COL12A1: variants seen among roughly 807,000 people sequenced by gnomAD.
The protein encoded by COL12A1 is collagen alpha-1(XII) chain.
COL12A1 carries 114 observed loss-of-function variants against 349.7 expected under a neutral mutation model. The ratio of observed to expected loss-of-function variants is 0.33; its 90% confidence interval spans 0.28 to 0.38. COL12A1 has a LOEUF of 0.38. Among genes scored for constraint, COL12A1 ranks in the 10% least tolerant of loss-of-function variants. The probability of loss-of-function intolerance (pLI) is 1.00; values close to 1 mark genes in which losing one functional copy is unlikely to be tolerated. For synonymous variants in COL12A1, 1,369 were observed against 1,329.0 expected (o/e 1.03, Z -0.66); for missense variants, 3,284 against 3,756.9 (o/e 0.87, Z 3.29).
chr6:75,109,685 A>T (rs143022220), intron 51 of COL12A1, among the ~76,000 whole-genome samples: 1 of 152,254 alleles, frequency 6.6e-6, no homozygotes, highest in East Asian at 1.9e-4. Flanking sequence ...TAGGGATTCA[A>T]CTCTGGAAAT....
chr6:75,181,897 C>G (rs1204422886), intron 10 of COL12A1, among the ~76,000 whole-genome samples: 1 of 150,776 alleles, frequency 6.6e-6, no homozygotes, highest in Non-Finnish European at 1.5e-5. Flanking sequence ...CAAGACCAGA[C>G]TAGCCAACAT....
chr6:75,174,790 A>G (rs2149451318), intron 13 of COL12A1, among the ~76,000 whole-genome samples: 1 of 152,208 alleles, frequency 6.6e-6, no homozygotes, highest in South Asian at 2.1e-4. Flanking sequence ...CTATAAACAC[A>G]TCTCTTTGGT....
chr6:75,114,661 G>A (rs952188211), intron 49 of COL12A1, among the ~76,000 whole-genome samples: 2 of 152,002 alleles, frequency 1.3e-5, no homozygotes, highest in African/African-American at 4.8e-5. Flanking sequence ...CACCACTAAT[G>A]CCATCTTGCT....
At chr6:75,201,971 T>C (rs1169988296) in intron 2 of COL12A1, among the ~76,000 whole-genome samples, 2 of 152,178 alleles carry the variant, frequency 1.3e-5, no homozygotes, top group South Asian at 2.1e-4. Flanking sequence ...GGCAGGACAC[T>C]GGAGGTGGTG....
At chr6:75,101,854 G>T in intron 57 of COL12A1, 145 bp downstream of exon 57, 3 of 1,036,720 alleles carry the variant, frequency 2.9e-6, no homozygotes, top group South Asian at 1.5e-5. Flanking sequence ...CAACTTGAAG[G>T]TTAAGACCAG....
rs1167947527 is a variant in COL12A1 at position 75,124,010 on chromosome 6, A to G, written c.6809T>C (p.Val2270Ala). ...ATTTGGTGTCTGCACAAAAACAGTGACACCATAATCAGTGTCTGGTGAAAG... is the reference window on the plus strand; with the variant it reads ...ATTTGGTGTCTGCACAAAAACAGTGGCACCATAATCAGTGTCTGGTGAAAG... ...TGLSPDTDYG[V>A]TVFVQTPNLE... Residue 2270 changes from valine (V) to alanine (A), a missense_variant, in exon 42 of 66, where the codon GTC becomes GCC. Physicochemically the swap from Val to Ala is moderately conservative, Grantham distance 64 (BLOSUM62 0). This residue lies in a region of COL12A1 where 2,601 missense variants were observed against 2,824.8 expected (regional missense o/e 0.92). Transcript: ENST00000322507. 6.8e-6 allele frequency: 11 copies of G among 1,613,788 alleles called. No individual in the cohort carries two copies. The highest frequency in any genetic ancestry group is 8.5e-6 in the Non-Finnish European group (10 of 1,179,838).
intron 31 of COL12A1, 32 bp from the exon 32 acceptor site, chr6:75,134,887 C>A: frequency 6.3e-7 from 1 of 1,594,416 alleles, no homozygotes; most frequent in Non-Finnish European, 8.6e-7. Flanking sequence ...TAAGTGTCAG[C>A]CTTGCTCTCT....
At chr6:75,122,224 G>A (rs2149370891) in intron 43 of COL12A1, among the ~76,000 whole-genome samples, 1 of 152,234 alleles carries the variant, frequency 6.6e-6, no homozygotes, top group African/African-American at 2.4e-5. Flanking sequence ...TAGACTTAGA[G>A]GCTAAGAAAA....
At chr6:75,169,867 G>A (rs1768532778) in intron 13 of COL12A1, among the ~76,000 whole-genome samples, 2 of 152,094 alleles carry the variant, frequency 1.3e-5, no homozygotes, top group South Asian at 2.1e-4. Context: ...ACTCTATCAG[G>A]TTTTGAAATC....
intron 11 of COL12A1, 74 bp from the exon 12 acceptor site, chr6:75,178,009 T>A: frequency 7.4e-7 from 1 of 1,349,304 alleles, no homozygotes; most frequent in Non-Finnish European, 1.0e-6. Context: ...AAAAATTACC[T>A]TTTTATTACT....
chr6:75,200,717 T>C (rs778143495), intron 2 of COL12A1, among the ~76,000 whole-genome samples: 10 of 152,192 alleles, frequency 6.6e-5, no homozygotes, highest in Non-Finnish European at 1.0e-4. Flanking sequence ...TTAGGTTAAA[T>C]AAAATACATT....
intron 12 of COL12A1, among the ~76,000 whole-genome samples, chr6:75,176,116 A>G (rs1263550113): frequency 6.6e-6 from 1 of 152,230 alleles, no homozygotes; most frequent in Non-Finnish European, 1.5e-5. Context: ...CACCAATGGA[A>G]GAGAGGAGGA....
intron 2 of COL12A1, among the ~76,000 whole-genome samples, chr6:75,200,338 C>T (rs1237592150): frequency 6.6e-6 from 1 of 152,056 alleles, no homozygotes; most frequent in African/African-American, 2.4e-5. Flanking sequence ...TTTGGGAGGC[C>T]GAGGCAGGTG....
intron 33 of COL12A1, 38 bp downstream of exon 33, chr6:75,133,820 T>C (rs1391615557): frequency 6.2e-7 from 1 of 1,611,506 alleles, no homozygotes; most frequent in Non-Finnish European, 8.5e-7. Flanking sequence ...AGCTACCATT[T>C]AAACAAACTA....
chr6:75,117,319 G>C, intron 47 of COL12A1, 63 bp downstream of exon 47: 2 of 1,525,766 alleles, frequency 1.3e-6, no homozygotes, highest in Admixed American at 1.7e-5. Flanking sequence ...ATATAGAATT[G>C]TCTACTAAGT....
rs751065518 is a variant in COL12A1 at position 75,156,408 on chromosome 6, A to G, written c.3099T>C (p.His1033=). 127 of 1,613,856 alleles carry G rather than the reference A, an allele frequency of 7.9e-5. No homozygotes were observed. The highest frequency in any genetic ancestry group is 1.0e-4 in the Non-Finnish European group (118 of 1,179,940). ...TAGCAACCATTTGCTTCCCTCTCCC[A>G]TGAGGGCGATAGACAACACGGTAGT... ...VVNYRVVYRP[H]GRGKQMVAKV... The change falls in exon 15 of 66, where the codon CAT becomes CAC. Residue 1033 remains histidine (H), a synonymous_variant. Transcript: ENST00000322507.
intron 23 of COL12A1, among the ~76,000 whole-genome samples, chr6:75,147,216 G>C (rs549305568): frequency 1.3e-5 from 2 of 152,298 alleles, no homozygotes; most frequent in South Asian, 4.1e-4. Context: ...ATCTCTGTAC[G>C]CTCTTCTTCC....
chr6:75,177,446 ATAAT>A (rs2149456086), intron 12 of COL12A1, among the ~76,000 whole-genome samples: 1 of 152,274 alleles, frequency 6.6e-6, no homozygotes, highest in East Asian at 1.9e-4. Context: ...AATTAATTAA[ATAAT>A]TAATTAAACA....
At chr6:75,132,412 G>A (rs1241729313) in intron 34 of COL12A1, among the ~76,000 whole-genome samples, 1 of 152,204 alleles carries the variant, frequency 6.6e-6, no homozygotes, top group Non-Finnish European at 1.5e-5. Flanking sequence ...AAGTAATGGA[G>A]AGAGGAAGAA....
Sources: allele counts gnomAD v4.1 joint callset (sites outside exome capture counted in the v4.1 genomes callset), GRCh38; gene constraint gnomAD v4.1.1; regional missense constraint gnomAD v4.1.1; transcripts MANE v1.5; gene names NCBI Gene and HGNC (gene_info 2026-07-23, HGNC 2026-07-21).